Variants in APBB1 observed in about 807,000 individuals in gnomAD.
The protein encoded by APBB1 is adaptor protein FE65a2.
Under a neutral mutation model 78.4 loss-of-function variants are expected in APBB1, and 22 were observed. That is an observed-to-expected ratio of 0.28 (90% CI 0.20 to 0.40). APBB1 has a LOEUF of 0.40. Ranked by LOEUF, APBB1 falls within the 10% of genes least tolerant of loss-of-function variation. The pLI is 1.00. For synonymous variants in APBB1, 369 were observed against 372.7 expected (o/e 0.99, Z 0.12); for missense variants, 749 against 932.4 (o/e 0.80, Z 2.56).
chr11:6,410,647 T>C lies in APBB1; in HGVS notation c.701A>G (p.Tyr234Cys), dbSNP rs763531516. Residue 234 changes from tyrosine to cysteine, a missense_variant, in exon 2 of 15, where the codon TAT (tyrosine) becomes TGT (cysteine). By Grantham distance (194) the Tyr-to-Cys change is radical. Around this residue, in one of 3 missense-constraint regions of APBB1, gnomAD observed 635 missense variants for 765.0 expected, o/e 0.83. Coordinates refer to ENST00000609360, the MANE Select transcript of APBB1 (RefSeq NM_001164.5). ...GGTACCTGTGTCCTCTGGGGAGCCA[T>C]AGGAGGGGCTGCCCTGGGATAAGGT... ...WATLSQGSPS[Y>C]GSPEDTDSFW... 3 of 1,516,942 alleles carry C rather than the reference T, an allele frequency of 2.0e-6. No homozygotes were observed. The Admixed American group carries it at 6.8e-5, about 34-fold the overall frequency. 94.0% of individuals were successfully genotyped at this position (1,516,942 alleles called of 1,614,324 possible).
At chr11:6,410,385 T>G (rs1848926921) in intron 2 of APBB1, among the ~76,000 whole-genome samples, 1 of 152,230 alleles carries the variant, frequency 6.6e-6, no homozygotes, top group Non-Finnish European at 1.5e-5. Flanking sequence ...CCCAGTAAAC[T>G]AGTCCACTTA....
intron 1 of APBB1, among the ~76,000 whole-genome samples, chr11:6,418,491 A>G (rs1849175527): frequency 1.3e-5 from 2 of 152,246 alleles, no homozygotes; most frequent in African/African-American, 4.8e-5. Context: ...GGCAGTGGGA[A>G]AACTGCTTCT....
intron 2 of APBB1, chr11:6,405,065 A>C: frequency 2.9e-6 from 4 of 1,388,460 alleles, no homozygotes; most frequent in Non-Finnish European, 3.7e-6. Flanking sequence ...TTCTGCTCAC[A>C]CCTCTTCTTC....
At chr11:6,404,440 C>T (rs114485087) in intron 2 of APBB1, among the ~76,000 whole-genome samples, 3,413 of 152,266 alleles carry the variant, frequency 0.022, 123 homozygotes, top group African/African-American at 0.078. Flanking sequence ...TACCACACCA[C>T]AATGGCCCCA....
Position 6,401,973 on chromosome 11 carries a change from G to T in APBB1, c.1388+4C>A. The T allele has an allele frequency of 6.4e-7, 1 of 1,564,834 alleles. No homozygotes were observed. Reference sequence around the variant, plus strand: ...GTGTAGGAGGGGGAAAATAGGCATAGTACCTCTCTCTGGGTCCAGCAGCAC... The same window carrying T: ...GTGTAGGAGGGGGAAAATAGGCATATTACCTCTCTCTGGGTCCAGCAGCAC... On this transcript the variant is annotated splice_donor_region_variant and intron_variant, in intron 9 of 14. Coordinates refer to ENST00000609360, the MANE Select transcript of APBB1 (RefSeq NM_001164.5). The surrounding 1 kb of genome is among the most constrained non-coding windows in gnomAD (Gnocchi z 4.5).
chr11:6,395,198 C>T lies in APBB1; in HGVS notation c.*336G>A. ...ATGGAGCAGGGGGAAGGGACCCATGCCTGGACCAGTCCCTTCCTCCTTCTG... is the reference window on the plus strand; with the variant it reads ...ATGGAGCAGGGGGAAGGGACCCATGTCTGGACCAGTCCCTTCCTCCTTCTG... On this transcript the variant is annotated 3_prime_UTR_variant, in exon 15 of 15. Transcript: ENST00000609360. The surrounding 1 kb of genome is among the most constrained non-coding windows in gnomAD (Gnocchi z 5.2). 1 of 269,218 alleles carries T rather than the reference C, an allele frequency of 3.7e-6. No individual in the cohort carries two copies. The highest frequency in any genetic ancestry group is 7.0e-5 in the East Asian group (1 of 14,282). 16.7% of individuals were successfully genotyped at this position (269,218 alleles called of 1,614,324 possible).
In APBB1 at chr11:6,395,264, G is replaced by A. The variant is rs1284515823; in HGVS notation, c.*270C>T. The A allele has an allele frequency of 2.8e-6, 1 of 363,136 alleles. No individual in the cohort carries two copies. The highest frequency in any genetic ancestry group is 5.0e-6 in the Non-Finnish European group (1 of 201,658). The allele number at this position is 363,136 out of a possible 1,614,324, so 22.5% of individuals were successfully genotyped here. A position where few individuals can be genotyped will look rare whatever the true frequency, so the allele number is the denominator to read the frequency against. The stretch of plus-strand genomic sequence containing the variant: ...GGAGGATGAGGCCTGGCCTGGACCA[G>A]TTCCTCCTGTTCCACCTGAAACACA... On this transcript the variant is annotated 3_prime_UTR_variant, in exon 15 of 15. Coordinates refer to ENST00000609360, the MANE Select transcript of APBB1 (RefSeq NM_001164.5). This position sits in a 1 kb window ranked among gnomAD's most constrained non-coding sequence, Gnocchi z 5.2.
intron 2 of APBB1, among the ~76,000 whole-genome samples, chr11:6,407,841 G>A (rs996825709): frequency 8.0e-5 from 12 of 150,782 alleles, no homozygotes; most frequent in Admixed American, 2.6e-4. Context: ...CTGCAGTGGC[G>A]CAATCTCGGC....
chr11:6,401,602 G>A lies in APBB1; in HGVS notation c.1475C>T (p.Ala492Val). Residue 492 changes from alanine (A) to valine (V), a missense_variant, in exon 10 of 15, where the codon GCC becomes GTC. By Grantham distance (64) the Ala-to-Val change is moderately conservative. This residue lies in a region of APBB1 where 635 missense variants were observed against 765.0 expected (regional missense o/e 0.83). Coordinates refer to ENST00000609360, the MANE Select transcript of APBB1 (RefSeq NM_001164.5). The surrounding 1 kb of genome is among the most constrained non-coding windows in gnomAD (Gnocchi z 4.5). ...FRCEAPAKNI[A>V]TSLHEICSKI... is the part of the protein sequence containing the mutation. ...AGAGCAGATCTCATGCAGGCTGGTG[G>A]CGATGTTCTTGGCAGGTGCCTCACA... 3 of 1,614,174 alleles carry A rather than the reference G, an allele frequency of 1.9e-6. No homozygotes were observed. The highest frequency in any genetic ancestry group is 2.5e-6 in the Non-Finnish European group (3 of 1,180,040).
Position 6,401,937 on chromosome 11 carries a change from A to C in APBB1, c.1388+40T>G, listed in dbSNP as rs746306647. Reference sequence around the variant, plus strand: ...GAGGGGAGCTTGGGTGCTTCCAGGCATCTGGTCCAGGTGTAGGAGGGGGAA... The same window carrying C: ...GAGGGGAGCTTGGGTGCTTCCAGGCCTCTGGTCCAGGTGTAGGAGGGGGAA... On this transcript the variant is annotated intron_variant, in intron 9 of 14. Transcript: ENST00000609360. This position sits in a 1 kb window ranked among gnomAD's most constrained non-coding sequence, Gnocchi z 4.5. The C allele has an allele frequency of 5.1e-6, 8 of 1,553,530 alleles. No individual in the cohort carries two copies. In the Admixed American group the frequency reaches 5.3e-5, roughly 10 times the overall value.
chr11:6,405,521 T>G (rs1848766973), intron 2 of APBB1: 1 of 986,096 alleles, frequency 1.0e-6, no homozygotes, highest in African/African-American at 1.7e-5. Context: ...GAGGCAGTAC[T>G]AAGGGACAGG....
intron 1 of APBB1, among the ~76,000 whole-genome samples, chr11:6,418,407 G>A (rs1309709698): frequency 6.6e-6 from 1 of 152,236 alleles, no homozygotes; most frequent in Non-Finnish European, 1.5e-5. Flanking sequence ...GAAGGGCGGA[G>A]AGAGCTGGGA....
At chr11:6,413,676 G>A (rs1849041042) in intron 1 of APBB1, among the ~76,000 whole-genome samples, 2 of 149,706 alleles carry the variant, frequency 1.3e-5, no homozygotes, top group Non-Finnish European at 1.5e-5. Context: ...TCACCATGTT[G>A]GCCAGGCTGG....
chr11:6,409,595 A>T (rs1338659087), intron 2 of APBB1, among the ~76,000 whole-genome samples: 2 of 152,214 alleles, frequency 1.3e-5, no homozygotes, highest in Non-Finnish European at 2.9e-5. Context: ...CCCTAGGCTC[A>T]TCTGAACTGC....
At position 6,402,687 on chromosome 11, in the gene APBB1, G is replaced by A. The variant is rs748061701; in HGVS notation, c.1143C>T (p.Thr381=). The A allele has an allele frequency of 1.5e-5, 24 of 1,614,006 alleles. No homozygotes were observed. The highest frequency in any genetic ancestry group is 2.2e-5 in the East Asian group (1 of 44,892). Residue 381 remains threonine (T), a synonymous_variant, in exon 7 of 15, where the codon ACC becomes ACT. Coordinates refer to ENST00000609360, the MANE Select transcript of APBB1 (RefSeq NM_001164.5). ...AVRSLGWVEM[T]EEELAPGRSS... is the part of the protein sequence containing the mutation. ...TGCGTCCAGGGGCCAGCTCCTCCTC[G>A]GTCATCTCTACCCAGCCTAGGGAGC... is the stretch of plus-strand genomic sequence containing the variant.
rs182370201 is a variant in APBB1, at chr11:6,400,088, T to C, written c.1672+901A>G. On this transcript the variant is annotated intron_variant, in intron 12 of 14. Coordinates refer to ENST00000609360, the MANE Select transcript of APBB1 (RefSeq NM_001164.5). ...ATTATTTTATTAATTCCTGGTTTTT[T>C]TCTACCATAACCTTCTATAACCTCT... Among the ~76,000 whole-genome samples the C allele has an allele frequency of 3.3e-5, 5 of 152,358 alleles. No homozygotes were observed. The East Asian group carries it at 5.8e-4, about 18-fold the overall frequency.
chr11:6,415,671 G>A (rs1332146967), intron 1 of APBB1, among the ~76,000 whole-genome samples: 3 of 152,132 alleles, frequency 2.0e-5, no homozygotes, highest in African/African-American at 7.2e-5. Context: ...CTGATTCACA[G>A]AGGAAAGGGA....
rs758823393 is a variant in APBB1 at position 6,410,899 on chromosome 11, T to C, written c.449A>G (p.Glu150Gly). Residue 150 changes from glutamate to glycine, a missense_variant, in exon 2 of 15, where the codon GAG (glutamate) becomes GGG (glycine). Physicochemically the swap from Glu to Gly is moderately conservative, Grantham distance 98. Transcript: ENST00000609360. ...CTCGGCCTCCCCGGCCGCCTTCTCC[T>C]CTCCCTCATCTGGCCCCTGCTCTTG... Reference protein sequence around the residue: ...STQEQGPDEGEEKAAGEAEEE... With the variant: ...STQEQGPDEGGEKAAGEAEEE... 6.2e-7 allele frequency: 1 copy of C among 1,614,102 alleles called. No homozygotes were observed.
At chr11:6,409,508 C>T (rs544730794) in intron 2 of APBB1, among the ~76,000 whole-genome samples, 1 of 152,214 alleles carries the variant, frequency 6.6e-6, no homozygotes, top group South Asian at 2.1e-4. Context: ...AAATCAGGCT[C>T]ATTATTCTTT....
Sources: gnomAD v4.1 joint callset for allele counts (sites outside exome capture counted in the v4.1 genomes callset) on GRCh38, gnomAD v4.1.1 for gene constraint, gnomAD v4.1.1 regional missense constraint, Gnocchi (gnomAD v3.1) non-coding constraint, MANE v1.5 for transcripts, NCBI Gene and HGNC (gene_info 2026-07-23, HGNC 2026-07-21) for gene names.